The following CTNNA2 variants were observed in gnomAD, a reference collection of about 807,000 sequenced individuals.
CTNNA2 encodes the protein catenin alpha 2.
Under a neutral mutation model 101.0 loss-of-function variants are expected in CTNNA2, and 42 were observed. The ratio of observed to expected loss-of-function variants is 0.42; its 90% CI spans 0.32 to 0.54. CTNNA2 has a LOEUF of 0.54. Ranked by LOEUF, CTNNA2 falls within the 20% of genes least tolerant of loss-of-function variation. The probability of loss-of-function intolerance (pLI) is 0.14; values close to 1 mark genes in which losing one functional copy is unlikely to be tolerated. For missense variants in CTNNA2, 871 were observed against 1,223.1 expected (o/e 0.71, Z 4.29); for synonymous variants, 450 against 456.4 (o/e 0.99, Z 0.18).
Position 80,647,617 on chromosome 2 carries a change from T to G in CTNNA2, c.2607T>G (p.Ala869=). 2 of 1,613,128 alleles carry G rather than the reference T, an allele frequency of 1.2e-6. No homozygotes were observed. The highest frequency in any genetic ancestry group is 8.5e-7 in the Non-Finnish European group (1 of 1,179,316). ...LDSATSLIQA[A]KNLMNAVVLT... Reference sequence around the variant, plus strand: ...GTGCCACATCGCTTATCCAGGCAGCTAAAAACCTGATGAATGCTGTTGTCC... The same window carrying G: ...GTGCCACATCGCTTATCCAGGCAGCGAAAAACCTGATGAATGCTGTTGTCC... Residue 869 remains alanine, a synonymous_variant, in exon 19 of 19, where the codon GCT becomes GCG. Coordinates refer to ENST00000402739, the MANE Select transcript of CTNNA2 (RefSeq NM_001282597.3).
chr2:79,258,910 G>A (rs947068519), intron 2 of CTNNA2, among the ~76,000 whole-genome samples: 2 of 149,282 alleles, frequency 1.3e-5, no homozygotes, highest in African/African-American at 4.9e-5. Context: ...GGAGCATGCA[G>A]TGAGTTTCAG....
At chr2:79,568,010 C>G (rs147710810) in intron 1 of CTNNA2, among the ~76,000 whole-genome samples, 105 of 152,198 alleles carry the variant, frequency 6.9e-4, no homozygotes, top group African/African-American at 2.5e-3. Context: ...GACACCGAAT[C>G]TTTGTTTAAT....
intron 1 of CTNNA2, among the ~76,000 whole-genome samples, chr2:79,188,057 A>C (rs1673804372): frequency 6.6e-6 from 1 of 152,228 alleles, no homozygotes; most frequent in Admixed American, 6.5e-5. Flanking sequence ...GAGATTTTAA[A>C]GATGCTTAAA....
chr2:80,128,500 G>A (rs1353102859), intron 7 of CTNNA2, among the ~76,000 whole-genome samples: 1 of 151,938 alleles, frequency 6.6e-6, no homozygotes, highest in Non-Finnish European at 1.5e-5. Context: ...GCCACGCATG[G>A]GTGTTTTCAA....
intron 7 of CTNNA2, among the ~76,000 whole-genome samples, chr2:80,270,115 C>T (rs1673344030): frequency 6.6e-6 from 1 of 152,130 alleles, no homozygotes; most frequent in African/African-American, 2.4e-5. Flanking sequence ...TGAATTCGTT[C>T]CGATGAGAAA....
intron 9 of CTNNA2, among the ~76,000 whole-genome samples, chr2:80,521,621 C>T (rs1307461121): frequency 6.6e-6 from 1 of 152,084 alleles, no homozygotes; most frequent in Non-Finnish European, 1.5e-5. Flanking sequence ...ACTTCACTAG[C>T]CGTTGTTAGT....
intron 7 of CTNNA2, among the ~76,000 whole-genome samples, chr2:80,255,775 G>A (rs568164751): frequency 1.2e-4 from 19 of 152,286 alleles, no homozygotes; most frequent in African/African-American, 4.6e-4. Flanking sequence ...GCTGAAATGT[G>A]TGTGTGTATC....
chr2:80,560,500 C>T (rs1836200), intron 12 of CTNNA2, among the ~76,000 whole-genome samples: 148,865 of 152,300 alleles, frequency 0.98, 72,774 homozygotes, highest in South Asian at 0.99. Context: ...GTATTAATTG[C>T]GTAATATATG....
intron 9 of CTNNA2, among the ~76,000 whole-genome samples, chr2:80,453,967 A>C (rs1178473211): frequency 2.0e-5 from 3 of 152,170 alleles, no homozygotes; most frequent in Non-Finnish European, 2.9e-5. Context: ...AATCATTTAG[A>C]AATTAGCTGC....
At chr2:80,020,325 A>G (rs112461415) in intron 7 of CTNNA2, among the ~76,000 whole-genome samples, 4,081 of 152,280 alleles carry the variant, frequency 0.027, 82 homozygotes, top group Non-Finnish European at 0.041. Context: ...CTGTGGAGGT[A>G]TCTGGATGAC....
At chr2:79,405,693 G>A (rs1423376462) in intron 4 of CTNNA2, among the ~76,000 whole-genome samples, 4 of 151,942 alleles carry the variant, frequency 2.6e-5, no homozygotes, top group Non-Finnish European at 5.9e-5. Context: ...GATACACAGC[G>A]ATGTTATTAT....
At chr2:80,560,250 A>G (rs1558587450) in intron 12 of CTNNA2, among the ~76,000 whole-genome samples, 1 of 152,104 alleles carries the variant, frequency 6.6e-6, no homozygotes, top group Non-Finnish European at 1.5e-5. Context: ...ACATTTCTAT[A>G]TATTTTTGCT....
chr2:80,313,641 T>C (rs757515480), intron 7 of CTNNA2: 3 of 1,607,648 alleles, frequency 1.9e-6, no homozygotes, highest in East Asian at 4.5e-5. Flanking sequence ...ATGCATACCA[T>C]GTCTGGAGCA....
At chr2:79,765,938 T>G (rs1445471222) in intron 3 of CTNNA2, among the ~76,000 whole-genome samples, 1 of 152,222 alleles carries the variant, frequency 6.6e-6, no homozygotes, top group African/African-American at 2.4e-5. Flanking sequence ...CAATGCTCAG[T>G]ATACACATTG....
At chr2:79,342,425 T>G (rs973571852) in intron 3 of CTNNA2, among the ~76,000 whole-genome samples, 3 of 152,162 alleles carry the variant, frequency 2.0e-5, no homozygotes, top group Non-Finnish European at 2.9e-5. Flanking sequence ...TAGGGGAAAA[T>G]GAATTACACA....
chr2:80,580,164 C>T (rs113044041), intron 13 of CTNNA2, among the ~76,000 whole-genome samples: 18 of 152,260 alleles, frequency 1.2e-4, no homozygotes, highest in Middle Eastern at 3.4e-3. Context: ...CTACATCATA[C>T]GAGTGTTAAG....
At chr2:79,592,075 T>C (rs1676892834) in intron 1 of CTNNA2, among the ~76,000 whole-genome samples, 1 of 151,858 alleles carries the variant, frequency 6.6e-6, no homozygotes, top group Admixed American at 6.6e-5. Context: ...ACTCACACTT[T>C]TCTGACTGCT....
intron 7 of CTNNA2, among the ~76,000 whole-genome samples, chr2:80,229,264 C>T (rs1050335779): frequency 1.3e-5 from 2 of 152,172 alleles, no homozygotes; most frequent in African/African-American, 4.8e-5. Context: ...CTGGTGCTAG[C>T]TAACTGGTGA....
chr2:80,372,679 C>G (rs1675555971), intron 7 of CTNNA2, among the ~76,000 whole-genome samples: 1 of 147,220 alleles, frequency 6.8e-6, no homozygotes. Context: ...ATTGGGAAAA[C>G]AGCTTTTTTT....
Sources: gnomAD v4.1 joint callset for allele counts (sites outside exome capture counted in the v4.1 genomes callset) on GRCh38, gnomAD v4.1.1 for gene constraint, MANE v1.5 for transcripts, NCBI Gene and HGNC (gene_info 2026-07-23, HGNC 2026-07-21) for gene names.